ROR1: variants seen among roughly 807,000 people sequenced by gnomAD.
ROR1 encodes the protein ROR family WNT receptor 1, also known as inactive tyrosine-protein kinase transmembrane receptor ROR1.
Under a neutral mutation model 78.8 loss-of-function variants are expected in ROR1, and 19 were observed. That is an observed-to-expected ratio of 0.24 (90% CI 0.17 to 0.35). The LOEUF (loss-of-function observed/expected upper bound fraction) is 0.35. Ranked by LOEUF, ROR1 falls within the 10% of genes least tolerant of loss-of-function variation. The probability of loss-of-function intolerance (pLI) is 1.00; values close to 1 mark genes in which losing one functional copy is unlikely to be tolerated. For synonymous variants in ROR1, 386 were observed against 433.6 expected (o/e 0.89, Z 1.36); for missense variants, 917 against 1,177.8 (o/e 0.78, Z 3.24).
chr1:63,824,758 A>G (rs1644943647), intron 1 of ROR1, among the ~76,000 whole-genome samples: 1 of 152,210 alleles, frequency 6.6e-6, no homozygotes, highest in African/African-American at 2.4e-5. Flanking sequence ...ATATTTACTC[A>G]TAAAAATTTT....
intron 1 of ROR1, among the ~76,000 whole-genome samples, chr1:63,900,176 G>A (rs954539970): frequency 6.6e-6 from 1 of 152,228 alleles, no homozygotes; most frequent in East Asian, 1.9e-4. Context: ...AAAGTTGGCC[G>A]GGCGTGGTGA....
chr1:64,177,681 C>A lies in ROR1; in HGVS notation c.1640C>A (p.Pro547His). 1 of 1,614,188 alleles carries A rather than the reference C, an allele frequency of 6.2e-7. No individual in the cohort carries two copies. Among genetic ancestry groups the A allele is most frequent in the East Asian group, 2.2e-5 (1 of 44,878 alleles). ...CLLGAVTQEQPVCMLFEYINQ... is the reference protein window; with the variant it reads ...CLLGAVTQEQHVCMLFEYINQ... Reference sequence around the variant, plus strand: ...CTAGGTGCCGTCACTCAGGAACAACCTGTGTGCATGCTTTTTGAGTATATT... The same window carrying A: ...CTAGGTGCCGTCACTCAGGAACAACATGTGTGCATGCTTTTTGAGTATATT... Residue 547 changes from proline (P) to histidine (H), a missense_variant, in exon 9 of 9, where the codon CCT (proline) becomes CAT (histidine). Transcript: ENST00000371079.
intron 1 of ROR1, among the ~76,000 whole-genome samples, chr1:63,853,699 G>A (rs530637246): frequency 6.6e-6 from 1 of 152,238 alleles, no homozygotes; most frequent in African/African-American, 2.4e-5. Context: ...GTGCACTGGG[G>A]ACACAGTAAG....
chr1:63,954,102 A>G (rs988102478), intron 1 of ROR1, among the ~76,000 whole-genome samples: 1 of 152,228 alleles, frequency 6.6e-6, no homozygotes, highest in Admixed American at 6.5e-5. Context: ...GCTATAACAA[A>G]GACTCCCAGA....
intron 1 of ROR1, among the ~76,000 whole-genome samples, chr1:63,891,430 A>T (rs1364480081): frequency 6.6e-6 from 1 of 152,070 alleles, no homozygotes; most frequent in Non-Finnish European, 1.5e-5. Context: ...GTTGCCTGGA[A>T]ATGCACCTCA....
intron 1 of ROR1, among the ~76,000 whole-genome samples, chr1:63,920,672 A>C (rs1273530534): frequency 6.6e-6 from 1 of 152,182 alleles, no homozygotes; most frequent in Non-Finnish European, 1.5e-5. Context: ...AACACTGATA[A>C]TCTGTCAGCC....
At chr1:63,979,808 A>G (rs76148660) in intron 1 of ROR1, among the ~76,000 whole-genome samples, 3,384 of 152,326 alleles carry the variant, frequency 0.022, 63 homozygotes, top group African/African-American at 0.048. Flanking sequence ...GCTCAAAACC[A>G]CATGGATGAA....
intron 2 of ROR1, among the ~76,000 whole-genome samples, chr1:64,036,451 G>A (rs761592874): frequency 9.9e-5 from 15 of 152,162 alleles, no homozygotes; most frequent in Non-Finnish European, 1.5e-4. Context: ...CGATCACAGC[G>A]AGTTCATCCA....
chr1:63,832,340 T>C (rs763772589), intron 1 of ROR1, among the ~76,000 whole-genome samples: 3 of 152,212 alleles, frequency 2.0e-5, no homozygotes, highest in Non-Finnish European at 2.9e-5. Context: ...TTTCACACTG[T>C]TATAAAGAAC....
At chr1:64,076,871 T>C (rs1260769) in intron 4 of ROR1, among the ~76,000 whole-genome samples, 78,190 of 152,110 alleles carry the variant, frequency 0.51, 23,531 homozygotes, top group African/African-American at 0.84. Flanking sequence ...ATATTAATAA[T>C]GGTAAGAGGA....
intron 1 of ROR1, among the ~76,000 whole-genome samples, chr1:63,906,566 G>A (rs1645530726): frequency 1.3e-5 from 2 of 152,144 alleles, no homozygotes. Flanking sequence ...CTGCTCTTTA[G>A]TAAGTGTCCA....
intron 4 of ROR1, among the ~76,000 whole-genome samples, chr1:64,083,793 C>T (rs1219701483): frequency 6.6e-6 from 1 of 152,054 alleles, no homozygotes; most frequent in Non-Finnish European, 1.5e-5. Context: ...GAATGTGTTC[C>T]TGGTACAAAA....
intron 8 of ROR1, among the ~76,000 whole-genome samples, chr1:64,176,525 C>T (rs908298657): frequency 6.6e-6 from 1 of 152,066 alleles, no homozygotes; most frequent in Non-Finnish European, 1.5e-5. Context: ...TCTGGGGTCA[C>T]ACAGCTGGTA....
chr1:63,876,281 T>TA (rs1273447782), intron 1 of ROR1, among the ~76,000 whole-genome samples: 2 of 152,198 alleles, frequency 1.3e-5, no homozygotes, highest in Admixed American at 1.3e-4. Flanking sequence ...AGCACTGGTC[T>TA]ATTGATTCAT....
intron 4 of ROR1, among the ~76,000 whole-genome samples, chr1:64,077,954 G>A (rs890129961): frequency 1.3e-5 from 2 of 152,212 alleles, no homozygotes; most frequent in African/African-American, 2.4e-5. Flanking sequence ...GGACATGGAG[G>A]TGAAAAGATG....
intron 2 of ROR1, among the ~76,000 whole-genome samples, chr1:64,040,742 C>G (rs1646739854): frequency 1.3e-5 from 2 of 152,094 alleles, no homozygotes; most frequent in South Asian, 4.1e-4. Context: ...GGGACTAATC[C>G]CATTCGTGAA....
At chr1:64,155,284 C>T (rs904907444) in intron 7 of ROR1, among the ~76,000 whole-genome samples, 1 of 152,152 alleles carries the variant, frequency 6.6e-6, no homozygotes, top group East Asian at 1.9e-4. Flanking sequence ...GCTCATTGTT[C>T]TATGGAATAT....
At chr1:63,934,036 G>A (rs1255386129) in intron 1 of ROR1, among the ~76,000 whole-genome samples, 1 of 152,194 alleles carries the variant, frequency 6.6e-6, no homozygotes, top group African/African-American at 2.4e-5. Context: ...CTGCTGCTTT[G>A]CAGGTGCAGG....
chr1:64,105,424 T>A (rs1647758433), intron 4 of ROR1: 1 of 152,214 alleles, frequency 6.6e-6, no homozygotes, highest in East Asian at 1.9e-4. Flanking sequence ...ACTCTGATGA[T>A]AGCTTCTTTT....
Sources: allele counts gnomAD v4.1 joint callset (sites outside exome capture counted in the v4.1 genomes callset), GRCh38; gene constraint gnomAD v4.1.1; transcripts MANE v1.5; gene names NCBI Gene and HGNC (gene_info 2026-07-23, HGNC 2026-07-21).